NR5A2: variants seen among roughly 807,000 people sequenced by gnomAD.
The protein encoded by NR5A2 is nuclear receptor subfamily 5 group A member 2, also known as CYP7A promoter-binding factor.
Under a neutral mutation model 62.7 loss-of-function variants are expected in NR5A2, and 26 were observed. The observed-to-expected ratio is 0.41, with a 90% CI of 0.30 to 0.58. The LOEUF (loss-of-function observed/expected upper bound fraction) is 0.58. Ranked by LOEUF, NR5A2 falls within the 20% of genes least tolerant of loss-of-function variation. The probability of loss-of-function intolerance (pLI) is 0.22; values close to 1 mark genes in which losing one functional copy is unlikely to be tolerated. For missense variants in NR5A2, 541 were observed against 669.1 expected (o/e 0.81, Z 2.11); for synonymous variants, 246 against 241.7 (o/e 1.02, Z -0.16).
intron 3 of NR5A2, among the ~76,000 whole-genome samples, chr1:200,044,978 G>C (rs1233839813): frequency 7.5e-6 from 1 of 133,850 alleles, no homozygotes; most frequent in Non-Finnish European, 1.6e-5. Flanking sequence ...GTTGACATTT[G>C]TTAAAAAAAA....
chr1:200,138,120 T>C (rs1455552139), intron 7 of NR5A2, among the ~76,000 whole-genome samples: 2 of 152,222 alleles, frequency 1.3e-5, no homozygotes, highest in Non-Finnish European at 2.9e-5. Context: ...CCACAGTTTA[T>C]TGATTCATTC....
chr1:200,071,792 A>C (rs1365268945), intron 5 of NR5A2, among the ~76,000 whole-genome samples: 1 of 152,214 alleles, frequency 6.6e-6, no homozygotes, highest in Non-Finnish European at 1.5e-5. Flanking sequence ...AGGATCAAGC[A>C]CTGCCTGTGT....
At chr1:200,095,985 A>G (rs1665079328) in intron 5 of NR5A2, among the ~76,000 whole-genome samples, 1 of 152,224 alleles carries the variant, frequency 6.6e-6, no homozygotes, top group Non-Finnish European at 1.5e-5. Context: ...GGCCAACATC[A>G]TTAAGACAAG....
intron 7 of NR5A2, among the ~76,000 whole-genome samples, chr1:200,158,773 G>A (rs1269237682): frequency 2.0e-5 from 3 of 152,148 alleles, no homozygotes; most frequent in Admixed American, 2.0e-4. Flanking sequence ...GTCTTACCTA[G>A]TGAACCATCA....
intron 1 of NR5A2, among the ~76,000 whole-genome samples, chr1:200,038,283 AAC>A (rs1444699434): frequency 6.6e-6 from 1 of 152,240 alleles, no homozygotes; most frequent in Non-Finnish European, 1.5e-5. Flanking sequence ...TCCGTGTGGA[AAC>A]ACAGGTCACT....
intron 5 of NR5A2, among the ~76,000 whole-genome samples, chr1:200,059,589 G>A (rs1183223357): frequency 6.6e-6 from 1 of 152,082 alleles, no homozygotes; most frequent in Non-Finnish European, 1.5e-5. Flanking sequence ...CCTGTTCCCT[G>A]TCTGCACACT....
intron 2 of NR5A2, among the ~76,000 whole-genome samples, chr1:200,041,522 C>T (rs902508193): frequency 2.0e-5 from 3 of 152,174 alleles, no homozygotes; most frequent in Non-Finnish European, 4.4e-5. Context: ...CCCAGAAAGA[C>T]GATCCACTAC....
intron 2 of NR5A2, 117 bp from the exon 3 acceptor site, chr1:200,043,657 T>C: frequency 1.7e-6 from 1 of 594,200 alleles, no homozygotes. Flanking sequence ...ATTGTTTTTA[T>C]TTTATATTTT....
At position 200,174,457 on chromosome 1, in the gene NR5A2, A is replaced by G. The variant is rs2102401497; in HGVS notation, c.*247A>G. The G allele has an allele frequency of 3.2e-6, 1 of 309,320 alleles. No homozygotes were observed. The highest frequency in any genetic ancestry group is 5.8e-6 in the Non-Finnish European group (1 of 171,962). 19.2% of individuals were successfully genotyped at this position (309,320 alleles called of 1,614,324 possible). ...GCTTCACAGCCCCAGAGGATTCCAT[A>G]TAAAAGACATTGTAATGGAGTGGAT... On this transcript the variant is annotated 3_prime_UTR_variant, in exon 8 of 8. Transcript: ENST00000367362.
chr1:200,115,765 G>A (rs2248967), intron 6 of NR5A2, among the ~76,000 whole-genome samples: 65,845 of 151,656 alleles, frequency 0.43, 14,664 homozygotes, highest in East Asian at 0.68. Context: ...GGAAGTGCAA[G>A]GAGAATAAGA....
chr1:200,126,189 A>C (rs993740476), intron 7 of NR5A2, among the ~76,000 whole-genome samples: 1 of 152,124 alleles, frequency 6.6e-6, no homozygotes, highest in Admixed American at 6.5e-5. Flanking sequence ...GGAAGGAAAA[A>C]AACAGTATTT....
chr1:200,150,339 G>A (rs940147160), intron 7 of NR5A2, among the ~76,000 whole-genome samples: 25 of 152,160 alleles, frequency 1.6e-4, no homozygotes, highest in Non-Finnish European at 3.5e-4. Flanking sequence ...TGTTTTTATA[G>A]CATCAACATG....
At chr1:200,101,239 T>G (rs561201654) in intron 5 of NR5A2, among the ~76,000 whole-genome samples, 1 of 152,326 alleles carries the variant, frequency 6.6e-6, no homozygotes, top group South Asian at 2.1e-4. Flanking sequence ...TCCTTGAGGA[T>G]AACAACTAGG....
intron 7 of NR5A2, among the ~76,000 whole-genome samples, chr1:200,157,493 G>T (rs984507587): frequency 2.8e-4 from 43 of 151,926 alleles, no homozygotes; most frequent in African/African-American, 9.9e-4. Flanking sequence ...AGCAAAATCT[G>T]TCATTACACT....
At chr1:200,086,247 A>T (rs2102243504) in intron 5 of NR5A2, among the ~76,000 whole-genome samples, 1 of 152,268 alleles carries the variant, frequency 6.6e-6, no homozygotes, top group African/African-American at 2.4e-5. Context: ...ATGCCAAACA[A>T]TTAAGTCTAT....
At chr1:200,125,473 G>A (rs1013119077) in intron 7 of NR5A2, among the ~76,000 whole-genome samples, 6 of 152,182 alleles carry the variant, frequency 3.9e-5, no homozygotes, top group African/African-American at 1.2e-4. Flanking sequence ...ATGGGTTATG[G>A]TTGCCTCAGG....
At chr1:200,157,127 A>G (rs912674164) in intron 7 of NR5A2, among the ~76,000 whole-genome samples, 5 of 152,224 alleles carry the variant, frequency 3.3e-5, no homozygotes, top group Non-Finnish European at 7.3e-5. Flanking sequence ...GATACTTTAT[A>G]AGCCAGGCAC....
chr1:200,063,451 C>T (rs1382964124), intron 5 of NR5A2, among the ~76,000 whole-genome samples: 2 of 152,206 alleles, frequency 1.3e-5, no homozygotes, highest in Non-Finnish European at 2.9e-5. Context: ...AGCCACCCCG[C>T]CCGGCCTAAA....
chr1:200,111,651 A>G (rs1483152041), intron 6 of NR5A2, among the ~76,000 whole-genome samples: 1 of 152,174 alleles, frequency 6.6e-6, no homozygotes, highest in Non-Finnish European at 1.5e-5. Context: ...TTAACCCAAG[A>G]CACTTGTTTG....
Sources: gnomAD v4.1 joint callset for allele counts (sites outside exome capture counted in the v4.1 genomes callset) on GRCh38, gnomAD v4.1.1 for gene constraint, MANE v1.5 for transcripts, NCBI Gene and HGNC (gene_info 2026-07-23, HGNC 2026-07-21) for gene names.